The following PRDM5 variants were observed in gnomAD, a reference collection of about 807,000 sequenced individuals.
PRDM5 encodes PR/SET domain 5, also known as PR domain zinc finger protein 5.
In PRDM5, 56 loss-of-function variants were observed where a neutral mutation model predicts 81.2. That is an observed-to-expected ratio of 0.69 (90% CI 0.56 to 0.86). The LOEUF (loss-of-function observed/expected upper bound fraction) is 0.86. Ranked by LOEUF, PRDM5 falls within the 40% of genes least tolerant of loss-of-function variation. The pLI, the probability that PRDM5 is intolerant of heterozygous loss-of-function variation, is 0.00. For missense variants in PRDM5, 697 were observed against 770.1 expected (o/e 0.91, Z 1.12); for synonymous variants, 267 against 256.4 (o/e 1.04, Z -0.39).
chr4:120,809,688 C>T (rs1753558393), intron 8 of PRDM5, among the ~76,000 whole-genome samples: 1 of 152,182 alleles, frequency 6.6e-6, no homozygotes, highest in Non-Finnish European at 1.5e-5. Flanking sequence ...GCATCATCTA[C>T]TGGCAAGGTG....
chr4:120,887,299 T>C (rs112507080), intron 2 of PRDM5, among the ~76,000 whole-genome samples: 1 of 152,220 alleles, frequency 6.6e-6, no homozygotes, highest in African/African-American at 2.4e-5. Flanking sequence ...GTTAGTTACC[T>C]TCAACACACA....
At chr4:120,752,406 C>A (rs1454923387) in intron 14 of PRDM5, among the ~76,000 whole-genome samples, 2 of 152,144 alleles carry the variant, frequency 1.3e-5, no homozygotes, top group African/African-American at 4.8e-5. Context: ...TGTGGGGGAT[C>A]CTGCCTAAAA....
rs563119113 is a variant in PRDM5, at chr4:120,803,215, C to G, written c.946-3470G>C. 5.9e-5 allele frequency among the ~76,000 whole-genome samples: 9 copies of G among 152,200 alleles called. No individual in the cohort carries two copies. The South Asian group carries it at 1.9e-3, about 32-fold the overall frequency. On this transcript the variant is annotated intron_variant, in intron 8 of 15. Transcript: ENST00000264808. ...AGAAATATGGGACTACATGAAAAGA[C>G]AAAATCTACATCTGATTGTTGTACC...
At chr4:120,776,268 A>G (rs1214882156) in intron 13 of PRDM5, among the ~76,000 whole-genome samples, 1 of 152,222 alleles carries the variant, frequency 6.6e-6, no homozygotes, top group Non-Finnish European at 1.5e-5. Context: ...AGTTTTAGTC[A>G]GAAAATTAAA....
chr4:120,799,434 T>C (rs933933960), intron 9 of PRDM5, among the ~76,000 whole-genome samples: 3 of 152,168 alleles, frequency 2.0e-5, no homozygotes, highest in Non-Finnish European at 2.9e-5. Flanking sequence ...ACAAATTACA[T>C]GGTGATTCTG....
intron 2 of PRDM5, among the ~76,000 whole-genome samples, chr4:120,903,798 C>T (rs1488317061): frequency 1.3e-5 from 2 of 152,284 alleles, no homozygotes; most frequent in East Asian, 3.9e-4. Flanking sequence ...TGCACAAGCT[C>T]TCTTGCCTGC....
At chr4:120,836,943 T>C (rs1054769121) in intron 3 of PRDM5, among the ~76,000 whole-genome samples, 1 of 152,164 alleles carries the variant, frequency 6.6e-6, no homozygotes, top group African/African-American at 2.4e-5. Context: ...ATAAACCCAA[T>C]ATAAAGGGCT....
chr4:120,794,632 T>C (rs1285816447), intron 10 of PRDM5, among the ~76,000 whole-genome samples: 1 of 151,708 alleles, frequency 6.6e-6, no homozygotes, highest in Non-Finnish European at 1.5e-5. Context: ...TCTACTTTTT[T>C]TTTTTTTTTA....
At chr4:120,782,326 A>G (rs1212623612) in intron 11 of PRDM5, among the ~76,000 whole-genome samples, 3 of 152,180 alleles carry the variant, frequency 2.0e-5, no homozygotes, top group Non-Finnish European at 2.9e-5. Flanking sequence ...TTAAATTTCT[A>G]TATCTAAATA....
intron 2 of PRDM5, among the ~76,000 whole-genome samples, chr4:120,859,573 T>G (rs947615084): frequency 6.6e-6 from 1 of 152,178 alleles, no homozygotes; most frequent in East Asian, 1.9e-4. Context: ...GGAACAAAGA[T>G]AGTGTTAAGG....
At chr4:120,743,955 A>T (rs1453904758) in intron 14 of PRDM5, among the ~76,000 whole-genome samples, 3 of 152,010 alleles carry the variant, frequency 2.0e-5, no homozygotes, top group Non-Finnish European at 4.4e-5. Context: ...AGAACTCTTC[A>T]CCCCAAATCA....
intron 2 of PRDM5, among the ~76,000 whole-genome samples, chr4:120,864,749 T>A (rs1761010612): frequency 6.6e-6 from 1 of 152,236 alleles, no homozygotes; most frequent in South Asian, 2.1e-4. Context: ...AATTGATCTG[T>A]ACTTGTTCCT....
chr4:120,808,899 G>A (rs1753413606), intron 8 of PRDM5, among the ~76,000 whole-genome samples: 1 of 152,178 alleles, frequency 6.6e-6, no homozygotes, highest in Non-Finnish European at 1.5e-5. Context: ...TGGAACTCAC[G>A]CTGGCCCGCA....
intron 8 of PRDM5, among the ~76,000 whole-genome samples, chr4:120,808,995 A>G (rs983618018): frequency 6.6e-5 from 10 of 152,226 alleles, no homozygotes; most frequent in Non-Finnish European, 1.0e-4. Context: ...GGCCTTGTCC[A>G]GCCCAGAAGG....
intron 2 of PRDM5, among the ~76,000 whole-genome samples, chr4:120,857,633 T>C (rs1760038812): frequency 6.6e-6 from 1 of 152,214 alleles, no homozygotes; most frequent in South Asian, 2.1e-4. Context: ...TATGTCATAG[T>C]TGATTTTGTG....
At chr4:120,907,619 C>T (rs532458131) in intron 1 of PRDM5, 62 bp from the exon 2 acceptor site, 55 of 1,322,814 alleles carry the variant, frequency 4.2e-5, no homozygotes, top group Middle Eastern at 1.8e-4. Flanking sequence ...CTAAAATAAA[C>T]GACTTTTTTC....
At chr4:120,845,308 G>A (rs1758532655) in intron 3 of PRDM5, among the ~76,000 whole-genome samples, 1 of 152,200 alleles carries the variant, frequency 6.6e-6, no homozygotes, top group Non-Finnish European at 1.5e-5. Context: ...GGCGAGAGAG[G>A]AGAAGTGACA....
chr4:120,766,756 C>T (rs1417730492), intron 13 of PRDM5, among the ~76,000 whole-genome samples: 1 of 152,136 alleles, frequency 6.6e-6, no homozygotes, highest in East Asian at 1.9e-4. Flanking sequence ...TTGCACTTTG[C>T]TTGGCATTAT....
intron 8 of PRDM5, among the ~76,000 whole-genome samples, chr4:120,800,307 G>C (rs866895319): frequency 2.8e-4 from 43 of 152,122 alleles, no homozygotes; most frequent in African/African-American, 9.2e-4. Context: ...CTTGAGCCCA[G>C]GAGTTCGAGA....
Sources: gnomAD v4.1 joint callset for allele counts (sites outside exome capture counted in the v4.1 genomes callset) on GRCh38, gnomAD v4.1.1 for gene constraint, MANE v1.5 for transcripts, NCBI Gene and HGNC (gene_info 2026-07-23, HGNC 2026-07-21) for gene names.